The following FAM114A1 variants were observed in gnomAD, a reference collection of about 807,000 sequenced individuals.
FAM114A1 encodes protein NOXP20.
In FAM114A1, 62 loss-of-function variants were observed where a neutral mutation model predicts 64.3. That is an observed-to-expected ratio of 0.96 (90% CI 0.79 to 1.19). FAM114A1 has a LOEUF of 1.19. Ranked by LOEUF, FAM114A1 falls within the 50% of genes most tolerant of loss-of-function variation. The probability of loss-of-function intolerance (pLI) is 0.00; values close to 1 mark genes in which losing one functional copy is unlikely to be tolerated. For synonymous variants in FAM114A1, 254 were observed against 251.1 expected (o/e 1.01, Z -0.11); for missense variants, 645 against 676.3 (o/e 0.95, Z 0.51).
chr4:38,926,278 A>G (rs1231179902), intron 9 of FAM114A1, among the ~76,000 whole-genome samples: 6 of 152,184 alleles, frequency 3.9e-5, no homozygotes, highest in Non-Finnish European at 7.4e-5. Flanking sequence ...ACACTGCCTC[A>G]TACAGAGTGA....
chr4:38,887,163 G>A (rs767017986), intron 3 of FAM114A1, among the ~76,000 whole-genome samples: 1 of 152,278 alleles, frequency 6.6e-6, no homozygotes, highest in Admixed American at 6.5e-5. Flanking sequence ...GTGTAGGCCT[G>A]TGTATATTTT....
At chr4:38,933,659 G>A (rs1312741254) in intron 12 of FAM114A1, among the ~76,000 whole-genome samples, 2 of 152,170 alleles carry the variant, frequency 1.3e-5, no homozygotes. Flanking sequence ...CATGAAAATA[G>A]TTGGTATGGA....
rs6531681 is a variant in FAM114A1, at chr4:38,913,227, C to A, written c.793-1694C>A. Among the ~76,000 whole-genome samples the A allele has an allele frequency of 4.9e-3, 744 of 152,274 alleles. 8 individuals are homozygous for A. The highest frequency in any genetic ancestry group is 0.017 in the African/African-American group (698 of 41,560). ...GAATCACATAAAAGATGCTTAGAAT[C>A]AAAAACGCAAGTGCAGAAAATTGAG... On this transcript the variant is annotated intron_variant, in intron 7 of 14. Coordinates refer to ENST00000358869, the MANE Select transcript of FAM114A1 (RefSeq NM_138389.4).
At chr4:38,915,744 G>GCTGTGT (rs1421213058) in intron 8 of FAM114A1, among the ~76,000 whole-genome samples, 1 of 139,116 alleles carries the variant, frequency 7.2e-6, no homozygotes, top group South Asian at 2.4e-4. Flanking sequence ...CATCTATAGT[G>GCTGTGT]GTGTGTGTGT....
At chr4:38,932,856 G>GC (rs1434947815) in intron 12 of FAM114A1, among the ~76,000 whole-genome samples, 3 of 136,760 alleles carry the variant, frequency 2.2e-5, no homozygotes, top group Non-Finnish European at 3.2e-5. Flanking sequence ...AAGAAATAAG[G>GC]ATTTTTTTTT....
Position 38,882,377 on chromosome 4 carries a change from C to T in FAM114A1, c.348+3951C>T, listed in dbSNP as rs569050065. Among the ~76,000 whole-genome samples the T allele has an allele frequency of 4.7e-5, 7 of 148,562 alleles. No individual in the cohort carries two copies. The South Asian group carries it at 1.5e-3, about 32-fold the overall frequency. Reference sequence around the variant, plus strand: ...AGGTGCAGTGGCTCACACCTGTAATCCCAGCACTTTGGGAGGCCGAGGGGA... The same window carrying T: ...AGGTGCAGTGGCTCACACCTGTAATTCCAGCACTTTGGGAGGCCGAGGGGA... On this transcript the variant is annotated intron_variant, in intron 3 of 14. Coordinates refer to ENST00000358869, the MANE Select transcript of FAM114A1 (RefSeq NM_138389.4).
chr4:38,940,400 C>A (rs1269649777), intron 13 of FAM114A1, among the ~76,000 whole-genome samples: 1 of 151,836 alleles, frequency 6.6e-6, no homozygotes, highest in Non-Finnish European at 1.5e-5. Flanking sequence ...AAGGGGTAGA[C>A]CAGGGCTTAG....
intron 3 of FAM114A1, among the ~76,000 whole-genome samples, chr4:38,879,172 T>G (rs73236662): frequency 0.27 from 41,706 of 151,904 alleles, 6,097 homozygotes; most frequent in African/African-American, 0.31. Context: ...CGCCCCGCAT[T>G]AAAGAAGGAG....
intron 8 of FAM114A1, 54 bp from the exon 9 acceptor site, chr4:38,922,716 C>A (rs1579383307): frequency 2.5e-6 from 4 of 1,573,568 alleles, no homozygotes; most frequent in East Asian, 2.3e-5. Context: ...TGTGTGTAAA[C>A]GTTATTAACG....
rs1164653364 is a variant in FAM114A1 at position 38,929,314 on chromosome 4, C to T, written c.1142C>T (p.Thr381Ile). ...ELLFELHVAA[T>I]PDKLNKAMKR... is the part of the protein sequence containing the mutation. ...CTCTTTGAATTACATGTGGCGGCCA[C>T]ACCTGACAAACTCAATAAGGTCAGC... The change falls in exon 10 of 15, where the codon ACA becomes ATA. Residue 381 changes from threonine to isoleucine, a missense_variant. Thr to Ile is a moderately conservative substitution (Grantham distance 89). Coordinates refer to ENST00000358869, the MANE Select transcript of FAM114A1 (RefSeq NM_138389.4). The T allele has an allele frequency of 1.2e-6, 2 of 1,613,442 alleles. No homozygotes were observed. The highest frequency in any genetic ancestry group is 2.7e-5 in the African/African-American group (2 of 74,902).
intron 3 of FAM114A1, among the ~76,000 whole-genome samples, chr4:38,891,461 C>T (rs1716377054): frequency 6.6e-6 from 1 of 152,188 alleles, no homozygotes; most frequent in Admixed American, 6.5e-5. Context: ...TCCCTGTCTT[C>T]TAAATAATAA....
chr4:38,929,024 A>C, intron 9 of FAM114A1: 1 of 518,900 alleles, frequency 1.9e-6, no homozygotes, highest in South Asian at 2.0e-5. Flanking sequence ...TGGAGCTGCC[A>C]AACAGCAAGA....
intron 7 of FAM114A1, among the ~76,000 whole-genome samples, chr4:38,912,702 G>A (rs894101327): frequency 3.9e-5 from 6 of 152,102 alleles, no homozygotes; most frequent in African/African-American, 1.4e-4. Context: ...TTTTGAGTGA[G>A]TCCACATCTT....
Position 38,878,076 on chromosome 4 carries a change from A to G in FAM114A1, c.-3A>G. Reference sequence around the variant, plus strand: ...GTTTATAATTGTGTTGACAGATACTAAAATGTCTGATGATGCTGGTGACAC... The same window carrying G: ...GTTTATAATTGTGTTGACAGATACTGAAATGTCTGATGATGCTGGTGACAC... On this transcript the variant is annotated 5_prime_UTR_variant, in exon 3 of 15. Coordinates refer to ENST00000358869, the MANE Select transcript of FAM114A1 (RefSeq NM_138389.4). 1.3e-6 allele frequency: 2 copies of G among 1,597,188 alleles called. No individual in the cohort carries two copies. Among genetic ancestry groups the G allele is most frequent in the Non-Finnish European group, 1.7e-6 (2 of 1,169,590 alleles).
chr4:38,933,351 T>C (rs1056336090), intron 12 of FAM114A1, among the ~76,000 whole-genome samples: 1 of 152,164 alleles, frequency 6.6e-6, no homozygotes, highest in Non-Finnish European at 1.5e-5. Flanking sequence ...TATACATGAA[T>C]AGAGAAAGGA....
At chr4:38,917,582 G>T (rs964826727) in intron 8 of FAM114A1, among the ~76,000 whole-genome samples, 1 of 151,852 alleles carries the variant, frequency 6.6e-6, no homozygotes, top group Non-Finnish European at 1.5e-5. Flanking sequence ...TTTTATATGC[G>T]TTCTTATGTC....
At chr4:38,880,152 A>ATAGAG (rs1715106002) in intron 3 of FAM114A1, among the ~76,000 whole-genome samples, 1 of 109,552 alleles carries the variant, frequency 9.1e-6, no homozygotes, top group African/African-American at 2.7e-5. Flanking sequence ...ATAGAATAGA[A>ATAGAG]TAGAATAGAA....
intron 7 of FAM114A1, among the ~76,000 whole-genome samples, chr4:38,910,389 C>T (rs919302819): frequency 5.9e-5 from 9 of 152,184 alleles, no homozygotes; most frequent in African/African-American, 2.2e-4. Flanking sequence ...CATGAATATT[C>T]CTGCTCACAC....
intron 8 of FAM114A1, among the ~76,000 whole-genome samples, chr4:38,918,918 G>A (rs548349097): frequency 2.6e-5 from 4 of 152,290 alleles, no homozygotes; most frequent in African/African-American, 7.2e-5. Flanking sequence ...TCAGGAGGCC[G>A]AGGCAGGTGG....
Sources: allele counts gnomAD v4.1 joint callset (sites outside exome capture counted in the v4.1 genomes callset), GRCh38; gene constraint gnomAD v4.1.1; transcripts MANE v1.5; gene names NCBI Gene and HGNC (gene_info 2026-07-23, HGNC 2026-07-21).